LRIG1: variants seen among roughly 807,000 people sequenced by gnomAD.
LRIG1 encodes leucine-rich repeats and immunoglobulin-like domains protein 1.
In LRIG1, 48 loss-of-function variants were observed where a neutral mutation model predicts 99.2. The observed-to-expected ratio is 0.48, with a 90% CI of 0.38 to 0.62. LRIG1 has a LOEUF of 0.62. Ranked by LOEUF, LRIG1 falls within the 20% of genes least tolerant of loss-of-function variation. LRIG1 has a pLI of 0.00. For missense variants in LRIG1, 1,646 were observed against 1,434.4 expected, an observed-to-expected ratio of 1.15 and a Z score of -2.38; for synonymous variants, 772 against 596.1, an observed-to-expected ratio of 1.29 and a Z score of -4.30.
intron 13 of LRIG1, among the ~76,000 whole-genome samples, chr3:66,385,682 G>A (rs112003444): frequency 2.0e-5 from 3 of 152,140 alleles, no homozygotes; most frequent in Non-Finnish European, 4.4e-5. Flanking sequence ...CGAACTCCTG[G>A]CTTCAAGTGA....
At chr3:66,497,309 A>G (rs1249191544) in intron 1 of LRIG1, among the ~76,000 whole-genome samples, 1 of 152,218 alleles carries the variant, frequency 6.6e-6, no homozygotes, top group Non-Finnish European at 1.5e-5. Context: ...AGTCTAAGGT[A>G]AACTGTATTT....
intron 7 of LRIG1, 146 bp from the exon 8 acceptor site, chr3:66,407,637 A>C (rs770789623): frequency 5.7e-6 from 4 of 705,940 alleles, no homozygotes; most frequent in Non-Finnish European, 9.3e-6. Context: ...ACACACACCC[A>C]CACCCACAGA....
At chr3:66,495,523 G>A (rs1315976885) in intron 1 of LRIG1, among the ~76,000 whole-genome samples, 1 of 152,204 alleles carries the variant, frequency 6.6e-6, no homozygotes, top group Admixed American at 6.5e-5. Context: ...CTATGGGGTA[G>A]GTCAGAGGAA....
Position 66,384,179 on chromosome 3 carries a change from G to A in LRIG1, c.1883C>T (p.Pro628Leu). Residue 628 changes from proline to leucine, a missense_variant, in exon 14 of 19, where the codon CCT becomes CTT. Physicochemically the swap from Pro to Leu is moderately conservative, Grantham distance 98 (BLOSUM62 -3). Transcript: ENST00000273261. ...LECAATGHPN[P>L]QIAWQKDGGT... ...TCCATCCTTCTGCCAGGCAATCTGA[G>A]GGTTTGGGTGACCTGTGGCAGCACA... 1 of 1,614,242 alleles carries A rather than the reference G, an allele frequency of 6.2e-7. No individual in the cohort carries two copies. The highest frequency in any genetic ancestry group is 8.5e-7 in the Non-Finnish European group (1 of 1,180,044).
chr3:66,406,283 A>G (rs1702266576), intron 8 of LRIG1: 13 of 985,260 alleles, frequency 1.3e-5, no homozygotes, highest in Non-Finnish European at 1.6e-5. Context: ...TACTGAAAAA[A>G]CCAGGAACCA....
At position 66,417,816 on chromosome 3, in the gene LRIG1, G is replaced by A. The variant is rs137901481; in HGVS notation, c.366-550C>T. Among the ~76,000 whole-genome samples the A allele has an allele frequency of 4.2e-3, 642 of 151,620 alleles. 6 individuals are homozygous for A. The highest frequency in any genetic ancestry group is 0.015 in the African/African-American group (616 of 41,314). ...AAAAAGAAAAAAAAAAAAAGATTAC[G>A]ACAAAATCCTGACAATGTAAAATGG... On this transcript the variant is annotated intron_variant, in intron 3 of 18. Transcript: ENST00000273261.
In LRIG1 at chr3:66,379,066, T is replaced by TA. The variant is rs1422294510; in HGVS notation, c.*1196dup. ...AGTGATGACACCTGACAGTAATTGT[T>TA]AACTATTTTCTCAGTAACTCCCTTC... On this transcript the variant is annotated 3_prime_UTR_variant, in exon 19 of 19. Transcript: ENST00000273261. The TA allele has an allele frequency of 2.6e-5, 4 of 152,804 alleles. No homozygotes were observed. The East Asian group carries it at 7.7e-4, about 29-fold the overall frequency. The allele number at this position is 152,804 out of a possible 1,614,324, so 9.5% of individuals were successfully genotyped here. A position where few individuals can be genotyped will look rare whatever the true frequency, so the allele number is the denominator to read the frequency against.
chr3:66,468,975 A>G (rs1700537278), intron 1 of LRIG1: 1 of 152,204 alleles, frequency 6.6e-6, no homozygotes, highest in South Asian at 2.1e-4. Context: ...AGAATATTAG[A>G]TGTTCTTACC....
chr3:66,466,539 A>G (rs1258561669), intron 1 of LRIG1, among the ~76,000 whole-genome samples: 2 of 152,148 alleles, frequency 1.3e-5, no homozygotes, highest in African/African-American at 4.8e-5. Flanking sequence ...CTGCTTACTG[A>G]TAACACGCAT....
intron 3 of LRIG1, among the ~76,000 whole-genome samples, chr3:66,424,215 A>G (rs1702905644): frequency 6.6e-6 from 1 of 152,144 alleles, no homozygotes; most frequent in Non-Finnish European, 1.5e-5. Context: ...CAGATTCCCC[A>G]GCATCTGGAT....
At chr3:66,407,843 G>A (rs1702330320) in intron 7 of LRIG1, among the ~76,000 whole-genome samples, 1 of 152,220 alleles carries the variant, frequency 6.6e-6, no homozygotes, top group Admixed American at 6.5e-5. Flanking sequence ...CCTGATTCAG[G>A]CTACAAAAGA....
chr3:66,380,083 A>T lies in LRIG1; in HGVS notation c.*180T>A. On this transcript the variant is annotated 3_prime_UTR_variant, in exon 19 of 19. Coordinates refer to ENST00000273261, the MANE Select transcript of LRIG1 (RefSeq NM_015541.3). The stretch of plus-strand genomic sequence containing the variant: ...ATCAAATACTTTTTTTGCCTTTTGT[A>T]CACAAATCCCCTCTTGCGTTTACTG... The T allele has an allele frequency of 1.1e-5, 6 of 542,136 alleles. No homozygotes were observed. Among genetic ancestry groups the T allele is most frequent in the Non-Finnish European group, 1.9e-5 (6 of 309,676 alleles). The allele number at this position is 542,136 out of a possible 1,614,324, so 33.6% of individuals were successfully genotyped here. A position where few individuals can be genotyped will look rare whatever the true frequency, so the allele number is the denominator to read the frequency against.
chr3:66,426,231 GTC>G (rs776988222), intron 3 of LRIG1, among the ~76,000 whole-genome samples: 1 of 152,188 alleles, frequency 6.6e-6, no homozygotes, highest in Non-Finnish European at 1.5e-5. Context: ...GGGTCATACT[GTC>G]TCTGTCATGA....
intron 1 of LRIG1, among the ~76,000 whole-genome samples, chr3:66,464,349 G>A (rs1252403274): frequency 1.3e-5 from 2 of 152,140 alleles, no homozygotes; most frequent in African/African-American, 4.8e-5. Context: ...AGCCTGCCCT[G>A]TGTGTAACAA....
intron 1 of LRIG1, among the ~76,000 whole-genome samples, chr3:66,485,483 A>G (rs1700951293): frequency 6.6e-6 from 1 of 152,232 alleles, no homozygotes; most frequent in Admixed American, 6.5e-5. Flanking sequence ...AGGCTGGACC[A>G]TGACTCGCCC....
intron 14 of LRIG1, among the ~76,000 whole-genome samples, chr3:66,383,765 T>C (rs1701224486): frequency 6.6e-6 from 1 of 151,824 alleles, no homozygotes; most frequent in Non-Finnish European, 1.5e-5. Flanking sequence ...AAATGTTCTG[T>C]AGCTAAACCC....
At chr3:66,474,035 T>C (rs1003472608) in intron 1 of LRIG1, among the ~76,000 whole-genome samples, 2 of 152,240 alleles carry the variant, frequency 1.3e-5, no homozygotes, top group Non-Finnish European at 2.9e-5. Context: ...TCCCTGGTTC[T>C]GGTTGTTGAA....
chr3:66,380,548 C>T (rs1240640179), intron 18 of LRIG1, 29 bp downstream of exon 18: 3 of 1,613,400 alleles, frequency 1.9e-6, no homozygotes, highest in Admixed American at 3.3e-5. Flanking sequence ...AGCTCCCAAC[C>T]CACCTGTTAG....
At chr3:66,483,283 C>T (rs746239914) in intron 1 of LRIG1, among the ~76,000 whole-genome samples, 1 of 152,184 alleles carries the variant, frequency 6.6e-6, no homozygotes, top group Non-Finnish European at 1.5e-5. Context: ...TCGCAGTGCT[C>T]TCTCTGCCAT....
Sources: allele counts gnomAD v4.1 joint callset (sites outside exome capture counted in the v4.1 genomes callset), GRCh38; gene constraint gnomAD v4.1.1; transcripts MANE v1.5; gene names NCBI Gene and HGNC (gene_info 2026-07-23, HGNC 2026-07-21).